The following PCGF3 variants were observed in gnomAD, a reference collection of about 807,000 sequenced individuals.
PCGF3 encodes polycomb group ring finger 3.
PCGF3 carries 7 observed loss-of-function variants against 33.1 expected under a neutral mutation model. That is an observed-to-expected ratio of 0.21 (90% CI 0.12 to 0.40). PCGF3 has a LOEUF of 0.40. Ranked by LOEUF, PCGF3 falls within the 10% of genes least tolerant of loss-of-function variation. The pLI is 1.00. For missense variants in PCGF3, 211 were observed against 313.3 expected, an observed-to-expected ratio of 0.67 and a Z score of 2.46; for synonymous variants, 153 against 121.3, an observed-to-expected ratio of 1.26 and a Z score of -1.72.
At chr4:757,959 G>A (rs1332505883) in intron 8 of PCGF3, among the ~76,000 whole-genome samples, 1 of 152,010 alleles carries the variant, frequency 6.6e-6, no homozygotes, top group Non-Finnish European at 1.5e-5. Context: ...ACGAGGTCAG[G>A]AGATCAAGAC....
At chr4:734,944 C>T (rs754491647) in exon 5 of PCGF3, 6 of 1,613,518 alleles carry the variant, frequency 3.7e-6, no homozygotes, top group East Asian at 4.5e-5. Flanking sequence ...GCAGGAGCTG[C>T]CTGGTGAAGT....
intron 1 of PCGF3, among the ~76,000 whole-genome samples, chr4:714,952 G>A (rs1341089672): frequency 6.6e-6 from 1 of 152,148 alleles, no homozygotes; most frequent in Non-Finnish European, 1.5e-5. Context: ...CTGGGTGTCG[G>A]TGCTGGGACG....
At chr4:762,079 T>G (rs1440772977) in intron 9 of PCGF3, 33 of 985,198 alleles carry the variant, frequency 3.3e-5, no homozygotes, top group Non-Finnish European at 3.7e-5. Flanking sequence ...GTGGACAGAC[T>G]TGAGATGCTG....
chr4:715,368 TGA>T (rs1742771724), intron 1 of PCGF3, among the ~76,000 whole-genome samples: 1 of 135,180 alleles, frequency 7.4e-6, no homozygotes, highest in African/African-American at 2.8e-5. Context: ...GTAGACACTG[TGA>T]GTGTGAGAAC....
intron 1 of PCGF3, among the ~76,000 whole-genome samples, chr4:711,133 CTTCCGG>C (rs980398494): frequency 1.4e-4 from 22 of 152,344 alleles, no homozygotes; most frequent in Admixed American, 9.1e-4. Context: ...CCCATGCCTC[CTTCCGG>C]TTCTGGGCTG....
At chr4:731,534 CAG>C (rs556577623) in intron 3 of PCGF3, among the ~76,000 whole-genome samples, 147 of 150,404 alleles carry the variant, frequency 9.8e-4, no homozygotes, top group African/African-American at 1.8e-3. Context: ...GCGTGGCCCT[CAG>C]GGGTGTAGGG....
chr4:713,561 T>TGGTGGGGG (rs1430191350), intron 1 of PCGF3, among the ~76,000 whole-genome samples: 2 of 151,356 alleles, frequency 1.3e-5, no homozygotes, highest in African/African-American at 2.4e-5. Context: ...GGCTGTGGCC[T>TGGTGGGGG]CATGGATCCT....
At chr4:755,150 G>A (rs937883789) in intron 8 of PCGF3, among the ~76,000 whole-genome samples, 14 of 152,256 alleles carry the variant, frequency 9.2e-5, no homozygotes, top group African/African-American at 1.9e-4. Flanking sequence ...AGCACACGGC[G>A]TTGTGTGCGT....
chr4:766,284 C>T (rs1016931397), exon 11 of PCGF3: 3 of 541,182 alleles, frequency 5.5e-6, no homozygotes, highest in Non-Finnish European at 6.6e-6. Flanking sequence ...TCACAGTCTC[C>T]CAGAGCCGAT....
intron 4 of PCGF3, chr4:734,217 G>C: frequency 1.3e-6 from 2 of 1,515,756 alleles, no homozygotes; most frequent in South Asian, 2.5e-5. Flanking sequence ...CTCACACCTG[G>C]GGCTGGACCT....
intron 6 of PCGF3, among the ~76,000 whole-genome samples, 178 bp from the exon 7 acceptor site, chr4:743,296 G>A (rs533332051): frequency 2.0e-5 from 3 of 152,320 alleles, no homozygotes; most frequent in Admixed American, 6.5e-5. Context: ...CCCGGGGGGT[G>A]CGCTTCCCGC....
At chr4:744,762 G>GTCGCTGCAGTGTTA in intron 8 of PCGF3, 74 bp downstream of exon 8, 1 of 350,572 alleles carries the variant, frequency 2.9e-6, no homozygotes, top group Non-Finnish European at 5.2e-6. Flanking sequence ...GGGGCCCGGG[G>GTCGCTGCAGTGTTA]GTCGCTGCAG....
At chr4:744,460 C>G in intron 7 of PCGF3, 140 bp from the exon 8 acceptor site, 3 of 668,620 alleles carry the variant, frequency 4.5e-6, no homozygotes, top group Non-Finnish European at 7.8e-6. Flanking sequence ...GACGGCTTTC[C>G]TTTGACGCTT....
chr4:741,029 T>G (rs1744067670), intron 6 of PCGF3, among the ~76,000 whole-genome samples: 1 of 152,264 alleles, frequency 6.6e-6, no homozygotes, highest in African/African-American at 2.4e-5. Context: ...TATTTTGTTG[T>G]TGAACTGTCA....
intron 4 of PCGF3, chr4:734,090 A>G: frequency 1.3e-6 from 2 of 1,550,716 alleles, no homozygotes. Flanking sequence ...CACTGCTGGC[A>G]GTTTCCAAAT....
chr4:727,233 C>CTTTTTGTTTTTTT (rs1743367529), intron 1 of PCGF3, among the ~76,000 whole-genome samples: 2 of 61,892 alleles, frequency 3.2e-5, no homozygotes, highest in Non-Finnish European at 5.8e-5. Flanking sequence ...TAGCGAGCGT[C>CTTTTTGTTTTTTT]TTTTTTTTTT....
chr4:738,388 C>A (rs1400403642), intron 6 of PCGF3, among the ~76,000 whole-genome samples: 5 of 152,200 alleles, frequency 3.3e-5, no homozygotes, highest in Non-Finnish European at 7.3e-5. Context: ...AACAATTAGT[C>A]TTTTAATATC....
chr4:739,956 A>G (rs1206303980), intron 6 of PCGF3, among the ~76,000 whole-genome samples: 1 of 152,102 alleles, frequency 6.6e-6, no homozygotes, highest in Non-Finnish European at 1.5e-5. Context: ...TTGAGTCAAT[A>G]TTCTTTTTCT....
intron 9 of PCGF3, chr4:762,790 A>G (rs1408810423): frequency 1.3e-5 from 2 of 152,176 alleles, no homozygotes; most frequent in Admixed American, 6.5e-5. Flanking sequence ...GTACATTTCT[A>G]TTGTTTGAAG....
Sources: allele counts gnomAD v4.1 joint callset (sites outside exome capture counted in the v4.1 genomes callset), GRCh38; gene constraint gnomAD v4.1.1; transcripts MANE v1.5; gene names NCBI Gene and HGNC (gene_info 2026-07-23, HGNC 2026-07-21).